The following PAFAH1B1 variants were observed in gnomAD, a reference collection of about 807,000 sequenced individuals.
PAFAH1B1 encodes platelet activating factor acetylhydrolase 1b regulatory subunit 1, also known as platelet-activating factor acetylhydrolase IB subunit beta.
In PAFAH1B1, 2 loss-of-function variants were observed where a neutral mutation model predicts 57.5. The ratio of observed to expected loss-of-function variants is 0.03; its 90% CI spans 0.01 to 0.11. The LOEUF is 0.11. PAFAH1B1 is among the 10% of genes least tolerant of loss of function. The pLI is 1.00. For missense variants in PAFAH1B1, 257 were observed against 512.0 expected, an observed-to-expected ratio of 0.50 and a Z score of 4.81; for synonymous variants, 152 against 169.6, an observed-to-expected ratio of 0.90 and a Z score of 0.81.
intron 1 of PAFAH1B1, among the ~76,000 whole-genome samples, chr17:2,596,955 G>A (rs1203803177): frequency 6.6e-6 from 1 of 152,128 alleles, no homozygotes; most frequent in East Asian, 1.9e-4. Context: ...CAGCTGCTGG[G>A]GAGGCTGAGA....
chr17:2,638,110 C>T lies in PAFAH1B1; in HGVS notation c.-179C>T. The stretch of plus-strand genomic sequence containing the variant: ...CTCTTTCTCCTTAGGTGGAATGAAT[C>T]TTACTTGTTGAATATCTTCTGGTTA... On this transcript the variant is annotated 5_prime_UTR_variant, in exon 2 of 11. Coordinates refer to ENST00000397195, the MANE Select transcript of PAFAH1B1 (RefSeq NM_000430.4). 3.8e-6 allele frequency: 2 copies of T among 531,350 alleles called. No homozygotes were observed. Among genetic ancestry groups the T allele is most frequent in the Admixed American group, 3.6e-5 (1 of 28,030 alleles). 32.9% of individuals were successfully genotyped at this position (531,350 alleles called of 1,614,324 possible). A position where few individuals can be genotyped will look rare whatever the true frequency, so the allele number is the denominator to read the frequency against.
intron 1 of PAFAH1B1, among the ~76,000 whole-genome samples, chr17:2,610,175 T>C (rs948437935): frequency 3.3e-4 from 51 of 152,352 alleles, no homozygotes; most frequent in African/African-American, 1.1e-3. Context: ...TCATTGGTGT[T>C]CTATTTCTAG....
intron 1 of PAFAH1B1, among the ~76,000 whole-genome samples, chr17:2,610,665 AGCT>A (rs1340567707): frequency 6.6e-6 from 1 of 152,238 alleles, no homozygotes; most frequent in Non-Finnish European, 1.5e-5. Flanking sequence ...GTTTTAGGAA[AGCT>A]TACGAATTTG....
At chr17:2,679,890 A>T (rs1227003153) in intron 9 of PAFAH1B1, 1 of 433,414 alleles carries the variant, frequency 2.3e-6, no homozygotes, top group African/African-American at 2.0e-5. Context: ...TTTACCATTG[A>T]TAGACTACAT....
At chr17:2,656,358 G>T (rs1433665394) in intron 2 of PAFAH1B1, among the ~76,000 whole-genome samples, 1 of 152,080 alleles carries the variant, frequency 6.6e-6, no homozygotes, top group African/African-American at 2.4e-5. Flanking sequence ...GCTGAAGCAG[G>T]AGGATCCATT....
intron 2 of PAFAH1B1, among the ~76,000 whole-genome samples, chr17:2,663,978 C>T (rs1201970109): frequency 1.3e-5 from 2 of 152,062 alleles, no homozygotes; most frequent in African/African-American, 4.8e-5. Flanking sequence ...CAGGCGTGAG[C>T]CACCGCTCCC....
At position 2,658,316 on chromosome 17, in the gene PAFAH1B1, AG is replaced by A. The variant is rs369155491; in HGVS notation, c.33-7053del. Among the ~76,000 whole-genome samples, 107 of 152,348 alleles carry A rather than the reference AG, an allele frequency of 7.0e-4. 2 individuals are homozygous for A. The East Asian group carries it at 0.019, about 27-fold the overall frequency. ...ATGTTATTTTTCTTAACAGGTTAAAAGGGTAAAGAGGGAAACACAGATAAAT... is the reference window on the plus strand; with the variant it reads ...ATGTTATTTTTCTTAACAGGTTAAAAGGTAAAGAGGGAAACACAGATAAAT... On this transcript the variant is annotated intron_variant, in intron 2 of 10. Transcript: ENST00000397195.
chr17:2,664,562 C>T (rs558586706), intron 2 of PAFAH1B1, among the ~76,000 whole-genome samples: 17 of 152,080 alleles, frequency 1.1e-4, no homozygotes, highest in African/African-American at 3.9e-4. Flanking sequence ...CTTGCCACCA[C>T]GCCAGCTAAT....
At chr17:2,659,382 C>CA in intron 2 of PAFAH1B1, 1 of 252,084 alleles carries the variant, frequency 4.0e-6, no homozygotes, top group Admixed American at 5.2e-5. Flanking sequence ...GCTAAAAATG[C>CA]AAAAATTAGC....
Position 2,648,706 on chromosome 17 carries a change from A to G in PAFAH1B1, c.32+10386A>G, listed in dbSNP as rs1180317149. 3.3e-5 allele frequency among the ~76,000 whole-genome samples: 5 copies of G among 151,670 alleles called. No homozygotes were observed. The East Asian group carries it at 9.7e-4, about 29-fold the overall frequency. The stretch of plus-strand genomic sequence containing the variant: ...AAAAAAAAAAAAAGTGAAACACCAT[A>G]TGATTAACCCAAAATATAGAAAATG... On this transcript the variant is annotated intron_variant, in intron 2 of 10. Transcript: ENST00000397195.
chr17:2,669,200 T>A, intron 5 of PAFAH1B1, among the ~76,000 whole-genome samples: 1 of 152,154 alleles, frequency 6.6e-6, no homozygotes, highest in Non-Finnish European at 1.5e-5. Context: ...GAGGACAGAA[T>A]TTTTTTATAT....
rs2069455169 is a variant in PAFAH1B1 at position 2,685,116 on chromosome 17, G to C, written c.*3314G>C. ...ATGACGCAAAGAATCTCCTGGTAGAGAAGCGACATGTAAAAAACTGGTGGA... is the reference window on the plus strand; with the variant it reads ...ATGACGCAAAGAATCTCCTGGTAGACAAGCGACATGTAAAAAACTGGTGGA... On this transcript the variant is annotated 3_prime_UTR_variant, in exon 11 of 11. Transcript: ENST00000397195. 1 of 143,820 alleles carries C rather than the reference G, an allele frequency of 7.0e-6. No homozygotes were observed. Among genetic ancestry groups the C allele is most frequent in the Non-Finnish European group, 1.5e-5 (1 of 66,738 alleles). 8.9% of individuals were successfully genotyped at this position (143,820 alleles called of 1,614,324 possible).
chr17:2,669,713 C>T (rs1216887865), intron 5 of PAFAH1B1, among the ~76,000 whole-genome samples: 2 of 152,110 alleles, frequency 1.3e-5, no homozygotes, highest in East Asian at 3.9e-4. Flanking sequence ...CTCAAATATT[C>T]TACATACAAA....
intron 2 of PAFAH1B1, among the ~76,000 whole-genome samples, chr17:2,652,563 C>A (rs1356339135): frequency 7.2e-6 from 1 of 138,724 alleles, no homozygotes; most frequent in Admixed American, 7.0e-5. Context: ...TCCTGTGAAT[C>A]TGTTTGAACA....
chr17:2,672,924 C>T (rs1015426587), intron 7 of PAFAH1B1, among the ~76,000 whole-genome samples, 167 bp downstream of exon 7: 24 of 151,952 alleles, frequency 1.6e-4, no homozygotes, highest in African/African-American at 5.1e-4. Flanking sequence ...AAAAATTAGC[C>T]GGGTGTGGTG....
At chr17:2,624,794 C>T (rs1448651949) in intron 1 of PAFAH1B1, among the ~76,000 whole-genome samples, 1 of 152,102 alleles carries the variant, frequency 6.6e-6, no homozygotes, top group Non-Finnish European at 1.5e-5. Context: ...CTGCATGCCT[C>T]GGTCCATCAA....
intron 1 of PAFAH1B1, chr17:2,613,399 C>T: frequency 4.1e-6 from 1 of 242,394 alleles, no homozygotes; most frequent in East Asian, 8.7e-5. Context: ...AGGTGGCTGT[C>T]ATGGGGGACA....
At chr17:2,660,384 A>G (rs968323092) in intron 2 of PAFAH1B1, among the ~76,000 whole-genome samples, 37 of 152,108 alleles carry the variant, frequency 2.4e-4, no homozygotes, top group Non-Finnish European at 2.5e-4. Flanking sequence ...ATTTGTCCTG[A>G]TGCTCTCCCT....
At chr17:2,672,508 G>A in intron 6 of PAFAH1B1, 147 bp from the exon 7 acceptor site, 1 of 649,016 alleles carries the variant, frequency 1.5e-6, no homozygotes. Context: ...GTAAATCCAG[G>A]TTTCTTATCC....
Sources: gnomAD v4.1 joint callset for allele counts (sites outside exome capture counted in the v4.1 genomes callset) on GRCh38, gnomAD v4.1.1 for gene constraint, MANE v1.5 for transcripts, NCBI Gene and HGNC (gene_info 2026-07-23, HGNC 2026-07-21) for gene names.